Variants in AGMAT observed in about 807,000 individuals in gnomAD.
AGMAT encodes guanidino acid hydrolase, mitochondrial.
AGMAT carries 37 observed loss-of-function variants against 29.3 expected under a neutral mutation model. The ratio of observed to expected loss-of-function variants is 1.26; its 90% CI spans 0.97 to 1.66. The LOEUF (loss-of-function observed/expected upper bound fraction) is 1.66, where lower values mean the gene tolerates loss of function less well. AGMAT is among the 40% of genes most tolerant of loss of function. AGMAT has a pLI of 0.00. For missense variants in AGMAT, 498 were observed against 497.8 expected (o/e 1.00, Z 0.00); for synonymous variants, 199 against 200.8 (o/e 0.99, Z 0.08).
intron 6 of AGMAT, among the ~76,000 whole-genome samples, chr1:15,574,375 CATCTT>C (rs1233819312): frequency 6.9e-6 from 1 of 145,492 alleles, no homozygotes; most frequent in Non-Finnish European, 1.5e-5. Context: ...ATAAGGGACT[CATCTT>C]TTTTTTTTTT....
In AGMAT at chr1:15,584,837, G is replaced by A; in HGVS notation, c.131C>T (p.Pro44Leu). 3 of 1,432,664 alleles carry A rather than the reference G, an allele frequency of 2.1e-6. No individual in the cohort carries two copies. Among genetic ancestry groups the A allele is most frequent in the Non-Finnish European group, 2.7e-6 (3 of 1,097,882 alleles). The allele number at this position is 1,432,664 out of a possible 1,614,324, so 88.7% of individuals were successfully genotyped here. ...RQASDAPRNQ[P>L]PSPEFVARPV... ...CCGGGCCACGAACTCGGGGCTGGGG[G>A]GCTGGTTCCGGGGCGCGTCGGAAGC... is the stretch of plus-strand genomic sequence containing the variant. Residue 44 changes from proline to leucine, a missense_variant, in exon 1 of 7, where the codon CCC becomes CTC. Coordinates refer to ENST00000375826, the MANE Select transcript of AGMAT (RefSeq NM_024758.5).
chr1:15,571,831 A>G lies in AGMAT; in HGVS notation c.*1820T>C, dbSNP rs1638953469. The G allele has an allele frequency of 6.6e-6, 1 of 152,232 alleles. No homozygotes were observed. Among genetic ancestry groups the G allele is most frequent in the Non-Finnish European group, 1.5e-5 (1 of 68,056 alleles). 9.4% of individuals were successfully genotyped at this position (152,232 alleles called of 1,614,324 possible). A position where few individuals can be genotyped will look rare whatever the true frequency, so the allele number is the denominator to read the frequency against. ...TGGAACTCAAGACACGCTTAAGATC[A>G]CCACAGCATAACTGCAGATTTCAGG... On this transcript the variant is annotated 3_prime_UTR_variant, in exon 7 of 7. Transcript: ENST00000375826.
chr1:15,577,599 G>T, intron 5 of AGMAT, 86 bp downstream of exon 5: 1 of 1,368,498 alleles, frequency 7.3e-7, no homozygotes, highest in Non-Finnish European at 1.0e-6. Context: ...ATCCTATCCT[G>T]ATTCCTAAAG....
At position 15,572,145 on chromosome 1, in the gene AGMAT, A is replaced by C. The variant is rs1638960771; in HGVS notation, c.*1506T>G. ...GGGGGACAGAGCGAGACTCCATCTC[A>C]GAAAAAAAAAAAAAAAAAAAAGCCC... On this transcript the variant is annotated 3_prime_UTR_variant, in exon 7 of 7. Coordinates refer to ENST00000375826, the MANE Select transcript of AGMAT (RefSeq NM_024758.5). Among the ~76,000 whole-genome samples, 1 of 111,248 alleles carries C rather than the reference A, an allele frequency of 9.0e-6. No homozygotes were observed. Among genetic ancestry groups the C allele is most frequent in the African/African-American group, 4.3e-5 (1 of 23,474 alleles). 73.0% of individuals were successfully genotyped at this position (111,248 alleles called of 152,430 possible). A position where few individuals can be genotyped will look rare whatever the true frequency, so the allele number is the denominator to read the frequency against.
rs1001036171 is a variant in AGMAT at position 15,573,362 on chromosome 1, G to C, written c.*289C>G. 3.2e-6 allele frequency: 1 copy of C among 316,862 alleles called. No individual in the cohort carries two copies. Among genetic ancestry groups the C allele is most frequent in the African/African-American group, 2.1e-5 (1 of 47,928 alleles). The allele number at this position is 316,862 out of a possible 1,614,324, so 19.6% of individuals were successfully genotyped here. A position where few individuals can be genotyped will look rare whatever the true frequency, so the allele number is the denominator to read the frequency against. ...ATGTTTCTAATGTTTAGATAATCTT[G>C]AAAGAAATTCTCCTCACTTCCCCTT... On this transcript the variant is annotated 3_prime_UTR_variant, in exon 7 of 7. Transcript: ENST00000375826.
At chr1:15,583,939 G>T (rs944716670) in intron 1 of AGMAT, among the ~76,000 whole-genome samples, 1 of 152,184 alleles carries the variant, frequency 6.6e-6, no homozygotes, top group African/African-American at 2.4e-5. Context: ...CCTCCGACTT[G>T]ATCCTAGGAA....
At chr1:15,584,579 C>A in intron 1 of AGMAT, 117 bp downstream of exon 1, 1 of 1,127,266 alleles carries the variant, frequency 8.9e-7, no homozygotes, top group Non-Finnish European at 1.1e-6. Flanking sequence ...TGGAGCCGGC[C>A]ACCAGCTTCC....
chr1:15,574,699 G>A (rs571857111), intron 6 of AGMAT, 58 bp downstream of exon 6: 2 of 1,475,822 alleles, frequency 1.4e-6, no homozygotes, highest in Non-Finnish European at 1.9e-6. Context: ...TTATTAACTA[G>A]CTTCGTGTAA....
At chr1:15,574,720 C>G in intron 6 of AGMAT, 37 bp downstream of exon 6, 1 of 1,560,226 alleles carries the variant, frequency 6.4e-7, no homozygotes, top group South Asian at 1.1e-5. Flanking sequence ...TTTAAGCTAC[C>G]GGCTGCCCAT....
At chr1:15,578,159 G>A (rs1027463721) in intron 4 of AGMAT, among the ~76,000 whole-genome samples, 4 of 152,156 alleles carry the variant, frequency 2.6e-5, no homozygotes, top group Admixed American at 1.3e-4. Flanking sequence ...GCCTTGGCAC[G>A]CTCTAAAAGC....
intron 2 of AGMAT, 59 bp from the exon 3 acceptor site, chr1:15,580,201 C>CCTTT (rs1639092597): frequency 2.0e-6 from 1 of 492,028 alleles, no homozygotes; most frequent in Non-Finnish European, 3.2e-6. Context: ...ATAGAATAAT[C>CCTTT]TTTTTTTTTT....
At chr1:15,573,926 A>C (rs1638996280) in intron 6 of AGMAT, among the ~76,000 whole-genome samples, 1 of 152,110 alleles carries the variant, frequency 6.6e-6, no homozygotes, top group African/African-American at 2.4e-5. Context: ...TCATATTTTA[A>C]AATTCAGAAA....
chr1:15,583,121 C>A, intron 2 of AGMAT, 72 bp downstream of exon 2: 1 of 1,387,030 alleles, frequency 7.2e-7, no homozygotes, highest in Non-Finnish European at 9.8e-7. Flanking sequence ...TAGCTGTACT[C>A]AAGCCCCTGA....
At chr1:15,574,677 C>T in intron 6 of AGMAT, 80 bp downstream of exon 6, 1 of 1,298,778 alleles carries the variant, frequency 7.7e-7, no homozygotes, top group Non-Finnish European at 1.1e-6. Flanking sequence ...CATGCCTGGC[C>T]CCATTTTCTA....
In AGMAT at chr1:15,572,069, C is replaced by G. The variant is rs1638958425; in HGVS notation, c.*1582G>C. 6.8e-6 allele frequency among the ~76,000 whole-genome samples: 1 copy of G among 147,248 alleles called. No homozygotes were observed. Among genetic ancestry groups the G allele is most frequent in the Admixed American group, 6.9e-5 (1 of 14,516 alleles). Reference sequence around the variant, plus strand: ...CTGAGGCAGCAGAATTGCTTGAACCCAGGAGGCGGAGATTGCAGTGAGCTA... The same window carrying G: ...CTGAGGCAGCAGAATTGCTTGAACCGAGGAGGCGGAGATTGCAGTGAGCTA... On this transcript the variant is annotated 3_prime_UTR_variant, in exon 7 of 7. Coordinates refer to ENST00000375826, the MANE Select transcript of AGMAT (RefSeq NM_024758.5).
chr1:15,584,635 T>C (rs1570945175), intron 1 of AGMAT, 61 bp downstream of exon 1: 2 of 1,254,756 alleles, frequency 1.6e-6, no homozygotes, highest in South Asian at 3.8e-5. Flanking sequence ...GTGCTTTCCA[T>C]GCCCGACAGC....
chr1:15,579,847 T>C (rs1639088336), intron 3 of AGMAT, among the ~76,000 whole-genome samples: 1 of 152,172 alleles, frequency 6.6e-6, no homozygotes, highest in African/African-American at 2.4e-5. Flanking sequence ...AAGTTGAAAA[T>C]GCTGAGCACA....
At chr1:15,575,046 TGTG>T (rs957838772) in intron 5 of AGMAT, 4 of 489,226 alleles carry the variant, frequency 8.2e-6, no homozygotes, top group African/African-American at 3.9e-5. Context: ...GGCTGCATGG[TGTG>T]GTGATGGAGA....
In AGMAT at chr1:15,578,997, G is replaced by T. The variant is rs375232324; in HGVS notation, c.582C>A (p.Ala194=). 6.2e-7 allele frequency: 1 copy of T among 1,614,122 alleles called. No homozygotes were observed. The highest frequency in any genetic ancestry group is 1.7e-5 in the Admixed American group (1 of 60,008). Residue 194 remains alanine, a synonymous_variant, in exon 4 of 7, where the codon GCC becomes GCA. Transcript: ENST00000375826. The part of the protein sequence containing the change: ...VDAHTDTTDK[A]LGEKLYHGAP... ...CCCCGTGGTAGAGCTTCTCTCCTAGGGCCTTGTCGGTCGTGTCCGTGTGCG... is the reference window on the plus strand; with the variant it reads ...CCCCGTGGTAGAGCTTCTCTCCTAGTGCCTTGTCGGTCGTGTCCGTGTGCG...
Sources: allele counts gnomAD v4.1 joint callset (sites outside exome capture counted in the v4.1 genomes callset), GRCh38; gene constraint gnomAD v4.1.1; transcripts MANE v1.5; gene names NCBI Gene and HGNC (gene_info 2026-07-23, HGNC 2026-07-21).